UGGT2: variants seen among roughly 807,000 people sequenced by gnomAD.
UGGT2 encodes the protein UDP-glucose:glycoprotein glucosyltransferase 2.
In UGGT2, 180 loss-of-function variants were observed where a neutral mutation model predicts 192.1. The ratio of observed to expected loss-of-function variants is 0.94; its 90% CI spans 0.83 to 1.06. The LOEUF (loss-of-function observed/expected upper bound fraction) is 1.06, where lower values mean the gene tolerates loss of function less well. UGGT2 is among the 50% of genes least tolerant of loss of function. The probability of loss-of-function intolerance (pLI) is 0.00; values close to 1 mark genes in which losing one functional copy is unlikely to be tolerated. For synonymous variants in UGGT2, 580 were observed against 591.0 expected, an observed-to-expected ratio of 0.98 and a Z score of 0.27; for missense variants, 1,849 against 1,795.7, an observed-to-expected ratio of 1.03 and a Z score of -0.54.
chr13:95,925,936 T>C (rs1296083519), intron 19 of UGGT2, among the ~76,000 whole-genome samples, 162 bp from the exon 20 acceptor site: 1 of 152,004 alleles, frequency 6.6e-6, no homozygotes, highest in Non-Finnish European at 1.5e-5. Flanking sequence ...TGCAAGTACG[T>C]ATATATACAT....
At chr13:95,825,613 G>A (rs1885955794) in intron 38 of UGGT2, among the ~76,000 whole-genome samples, 2 of 152,304 alleles carry the variant, frequency 1.3e-5, no homozygotes, top group East Asian at 1.9e-4. Flanking sequence ...CAGGAAGGCT[G>A]TCTATAGGTT....
At chr13:95,869,212 T>A (rs1890996206) in intron 29 of UGGT2, among the ~76,000 whole-genome samples, 1 of 152,074 alleles carries the variant, frequency 6.6e-6, no homozygotes, top group Admixed American at 6.5e-5. Flanking sequence ...ACAAAGGACA[T>A]GAACTCATCA....
Position 95,997,721 on chromosome 13 carries a change from A to G in UGGT2, c.757+1490T>C, listed in dbSNP as rs578094283. 2.0e-5 allele frequency among the ~76,000 whole-genome samples: 3 copies of G among 152,306 alleles called. No homozygotes were observed. The East Asian group carries it at 5.8e-4, about 29-fold the overall frequency. On this transcript the variant is annotated intron_variant, in intron 6 of 38. Coordinates refer to ENST00000376747, the MANE Select transcript of UGGT2 (RefSeq NM_020121.4). ...GACAGCGGTAGGCAAAAGGAACAGC[A>G]TATGCTAAGGGATGAATGTAGGAGA...
At chr13:95,930,864 G>A (rs1385755420) in intron 17 of UGGT2, among the ~76,000 whole-genome samples, 1 of 152,186 alleles carries the variant, frequency 6.6e-6, no homozygotes, top group Non-Finnish European at 1.5e-5. Context: ...GCTGGCTTCA[G>A]GAGTGAAGGT....
intron 36 of UGGT2, among the ~76,000 whole-genome samples, chr13:95,840,411 A>G (rs542252367): frequency 6.6e-6 from 1 of 152,350 alleles, no homozygotes; most frequent in Non-Finnish European, 1.5e-5. Flanking sequence ...TCAAAAGAAG[A>G]CACTTATGCG....
In UGGT2 at chr13:96,013,409, G is replaced by A; in HGVS notation, c.558C>T (p.Leu186=). 1 of 1,609,186 alleles carries A rather than the reference G, an allele frequency of 6.2e-7. No individual in the cohort carries two copies. Among genetic ancestry groups the A allele is most frequent in the Non-Finnish European group, 8.5e-7 (1 of 1,178,676 alleles). Residue 186 remains leucine, a synonymous_variant, in exon 5 of 39, where the codon CTC becomes CTT. Transcript: ENST00000376747. ...TNKENLPVVI[L]YAEMGTRTFS... ...ATGTTCTAGTACCCATTTCGGCATA[G>A]AGAATCACCACTGGTAAGTTCTCTT... is the stretch of plus-strand genomic sequence containing the variant.
At chr13:95,857,756 A>AT (rs1889757355) in intron 33 of UGGT2, among the ~76,000 whole-genome samples, 1 of 152,190 alleles carries the variant, frequency 6.6e-6, no homozygotes, top group Admixed American at 6.5e-5. Context: ...AAGAAGGAAA[A>AT]TACTACTTCA....
intron 26 of UGGT2, among the ~76,000 whole-genome samples, chr13:95,886,831 C>T (rs1294252624): frequency 1.3e-5 from 2 of 151,970 alleles, no homozygotes; most frequent in South Asian, 4.1e-4. Flanking sequence ...TCTCTTGAGG[C>T]CAGGAGTTCA....
At chr13:96,045,862 C>G in intron 1 of UGGT2, among the ~76,000 whole-genome samples, 1 of 152,096 alleles carries the variant, frequency 6.6e-6, no homozygotes, top group Admixed American at 6.5e-5. Context: ...GAACCATACC[C>G]CACGCTCATG....
intron 16 of UGGT2, 73 bp from the exon 17 acceptor site, chr13:95,937,161 C>A (rs1162051055): frequency 5.4e-6 from 8 of 1,470,898 alleles, no homozygotes; most frequent in Non-Finnish European, 7.3e-6. Flanking sequence ...GAAAATGGAA[C>A]ACCGCCACAT....
At chr13:95,974,399 G>A (rs571306523) in intron 10 of UGGT2, among the ~76,000 whole-genome samples, 28 of 152,232 alleles carry the variant, frequency 1.8e-4, no homozygotes, top group Admixed American at 1.4e-3. Flanking sequence ...TCATACATTC[G>A]TTTTAGTGGA....
rs59757283 is a variant in UGGT2 at position 95,924,393 on chromosome 13, C to CTTTTTTTTTTTTTTTTTTTTTTTTTT, written c.2295+1261_2295+1286dup. On this transcript the variant is annotated intron_variant, in intron 20 of 38. Transcript: ENST00000376747. ...AATAGATGTAATAGATCCCAAACAG[C>CTTTTTTTTTTTTTTTTTTTTTTTTTT]TTTTTTTTTTTTTTTTTTTTTTTTT... Among the ~76,000 whole-genome samples, 42 of 63,362 alleles carry CTTTTTTTTTTTTTTTTTTTTTTTTTT rather than the reference C, an allele frequency of 6.6e-4. 1 individual carries two copies. Among genetic ancestry groups the CTTTTTTTTTTTTTTTTTTTTTTTTTT allele is most frequent in the Non-Finnish European group, 9.8e-4 (31 of 31,672 alleles). 41.6% of individuals were successfully genotyped at this position (63,362 alleles called of 152,430 possible).
chr13:96,031,806 C>A, intron 2 of UGGT2, 83 bp downstream of exon 2: 1 of 1,031,914 alleles, frequency 9.7e-7, no homozygotes. Flanking sequence ...TCACACTTAA[C>A]CATTACCATT....
chr13:96,027,007 C>T (rs2052690894), intron 2 of UGGT2, among the ~76,000 whole-genome samples: 1 of 152,032 alleles, frequency 6.6e-6, no homozygotes, highest in Admixed American at 6.6e-5. Context: ...GATGATTTCT[C>T]AGAACTTGGG....
chr13:96,004,067 A>G (rs1016533660), intron 5 of UGGT2, among the ~76,000 whole-genome samples: 1 of 152,150 alleles, frequency 6.6e-6, no homozygotes, highest in African/African-American at 2.4e-5. Context: ...TTCAGAAGTT[A>G]TAAGATAGCT....
chr13:96,011,296 G>C (rs1171710128), intron 5 of UGGT2, among the ~76,000 whole-genome samples: 1 of 151,876 alleles, frequency 6.6e-6, no homozygotes, highest in East Asian at 1.9e-4. Flanking sequence ...AGAATTACAA[G>C]ATAATTCACA....
intron 38 of UGGT2, among the ~76,000 whole-genome samples, chr13:95,806,189 G>A (rs1322094575): frequency 4.6e-5 from 7 of 151,904 alleles, no homozygotes; most frequent in Admixed American, 3.9e-4. Context: ...CATCAAAAAA[G>A]AAAAAAGATG....
intron 36 of UGGT2, among the ~76,000 whole-genome samples, chr13:95,839,168 T>A (rs1363889214): frequency 6.6e-6 from 1 of 151,984 alleles, no homozygotes; most frequent in Non-Finnish European, 1.5e-5. Context: ...CTACCCCCCA[T>A]GCCGACTGTT....
intron 27 of UGGT2, among the ~76,000 whole-genome samples, chr13:95,878,914 A>T (rs536133056): frequency 2.6e-5 from 4 of 152,316 alleles, no homozygotes. Context: ...GTATTTATTT[A>T]AAAAACTTTA....
Sources: allele counts gnomAD v4.1 joint callset (sites outside exome capture counted in the v4.1 genomes callset), GRCh38; gene constraint gnomAD v4.1.1; transcripts MANE v1.5; gene names NCBI Gene and HGNC (gene_info 2026-07-23, HGNC 2026-07-21).